SH3TC1: variants seen among roughly 807,000 people sequenced by gnomAD.
The protein encoded by SH3TC1 is SH3 domain and tetratricopeptide repeats 1.
A neutral mutation model predicts 117.3 loss-of-function variants in SH3TC1; 135 were observed. That is an observed-to-expected ratio of 1.15 (90% CI 1.00 to 1.33). SH3TC1 has a LOEUF of 1.33. SH3TC1 is among the 40% of genes most tolerant of loss of function. The probability of loss-of-function intolerance (pLI) is 0.00; values close to 1 mark genes in which losing one functional copy is unlikely to be tolerated. For missense variants in SH3TC1, 2,092 were observed against 1,794.3 expected (o/e 1.17, Z -3.00); for synonymous variants, 898 against 816.9 (o/e 1.10, Z -1.69).
upstream of SH3TC1, among the ~76,000 whole-genome samples, chr4:8,194,375 T>C (rs1717500197): frequency 6.6e-6 from 1 of 152,168 alleles, no homozygotes; most frequent in Non-Finnish European, 1.5e-5. Flanking sequence ...TCCCAGGCCA[T>C]CGTGGCCATG....
Position 8,240,703 on chromosome 4 carries a change from G to A in SH3TC1, c.3759G>A (p.Pro1253=), listed in dbSNP as rs777462981. The A allele has an allele frequency of 1.1e-5, 17 of 1,613,984 alleles. No homozygotes were observed. Among genetic ancestry groups the A allele is most frequent in the East Asian group, 6.7e-5 (3 of 44,882 alleles). ...GDIIFYDLKD[P]FDAAGYYQLA... Reference sequence around the variant, plus strand: ...GCATGGCCTGTCCCCTTCAGGACCCGTTTGATGCAGCCGGGTACTACCAGC... The same window carrying A: ...GCATGGCCTGTCCCCTTCAGGACCCATTTGATGCAGCCGGGTACTACCAGC... Residue 1253 remains proline (P), a synonymous_variant, in exon 18 of 18, where the codon CCG becomes CCA. Coordinates refer to ENST00000245105, the MANE Select transcript of SH3TC1 (RefSeq NM_018986.5).
chr4:8,189,626 C>T (rs934929017), intron 1 of SH3TC1, among the ~76,000 whole-genome samples: 3 of 152,056 alleles, frequency 2.0e-5, no homozygotes, highest in African/African-American at 2.4e-5. Flanking sequence ...AGGGGTCATG[C>T]GCCAAGTGCC....
Position 8,205,122 on chromosome 4 carries a change from T to C in SH3TC1, c.-28-45T>C. On this transcript the variant is annotated intron_variant, in intron 1 of 17. Transcript: ENST00000245105. This position sits in a 1 kb window ranked among gnomAD's most constrained non-coding sequence, Gnocchi z 5.4. ...GGCCTGGACACAACCTCCGTGCTGGTTCTGGAGGGGCCACCTCTCCTGACC... is the reference window on the plus strand; with the variant it reads ...GGCCTGGACACAACCTCCGTGCTGGCTCTGGAGGGGCCACCTCTCCTGACC... 7.1e-7 allele frequency: 1 copy of C among 1,416,310 alleles called. No homozygotes were observed. The highest frequency in any genetic ancestry group is 9.3e-7 in the Non-Finnish European group (1 of 1,072,602). 87.7% of individuals were successfully genotyped at this position (1,416,310 alleles called of 1,614,324 possible). A position where few individuals can be genotyped will look rare whatever the true frequency, so the allele number is the denominator to read the frequency against.
intron 1 of SH3TC1, among the ~76,000 whole-genome samples, chr4:8,188,857 A>G (rs887477944): frequency 2.6e-5 from 4 of 152,320 alleles, no homozygotes; most frequent in Non-Finnish European, 4.4e-5. Flanking sequence ...ACCCGTCACG[A>G]GGCAGCCACC....
At position 8,183,752 on chromosome 4, in the gene SH3TC1, A is replaced by T. The variant is rs772422709; in HGVS notation, c.-57+1542A>T. ...TACATTTGTCATAACTAATGAGCCA[A>T]TACCACCAATGCCTGATTACCAGCT... is the stretch of plus-strand genomic sequence containing the variant. On this transcript the variant is annotated intron_variant, in intron 1 of 16. Coordinates refer to the SH3TC1 transcript ENST00000508641. This position sits in a 1 kb window ranked among gnomAD's most constrained non-coding sequence, Gnocchi z 5.4. Among the ~76,000 whole-genome samples, 1 of 152,152 alleles carries T rather than the reference A, an allele frequency of 6.6e-6. No individual in the cohort carries two copies.
chr4:8,222,644 G>A (rs1217050691), intron 9 of SH3TC1, among the ~76,000 whole-genome samples, 196 bp from the exon 10 acceptor site: 1 of 150,358 alleles, frequency 6.7e-6, no homozygotes, highest in Non-Finnish European at 1.5e-5. Flanking sequence ...AAAGTGCTGA[G>A]ATTACAGGTG....
chr4:8,224,755 C>T (rs1720300919), intron 10 of SH3TC1: 1 of 180,414 alleles, frequency 5.5e-6, no homozygotes, highest in East Asian at 1.6e-4. Context: ...CTCAGAGCTG[C>T]TGCCTGTTCA....
intron 17 of SH3TC1, 61 bp from the exon 18 acceptor site, chr4:8,240,637 C>T (rs924648291): frequency 1.4e-5 from 22 of 1,598,562 alleles, no homozygotes; most frequent in African/African-American, 2.7e-5. Flanking sequence ...GGCACAGGAA[C>T]GGCCTCTGGG....
Position 8,192,843 on chromosome 4 carries a change from C to T in SH3TC1, c.-57+10633C>T, listed in dbSNP as rs1290036340. Among the ~76,000 whole-genome samples, 1 of 152,172 alleles carries T rather than the reference C, an allele frequency of 6.6e-6. No homozygotes were observed. The highest frequency in any genetic ancestry group is 2.4e-5 in the African/African-American group (1 of 41,440). ...TTCTGCTCCGAGTTTAGGTTCATGT[C>T]GCCACCTGGTGATTGGCTTCTCTGT... On this transcript the variant is annotated intron_variant, in intron 1 of 16. Transcript: ENST00000508641. This position sits in a 1 kb window ranked among gnomAD's most constrained non-coding sequence, Gnocchi z 4.1.
At chr4:8,200,601 G>A (rs899709270) in intron 1 of SH3TC1, among the ~76,000 whole-genome samples, 1 of 152,230 alleles carries the variant, frequency 6.6e-6, no homozygotes, top group African/African-American at 2.4e-5. Context: ...CACGGGTGAC[G>A]ATGGCCGCAC....
chr4:8,211,821 G>A (rs1718760358), intron 3 of SH3TC1, among the ~76,000 whole-genome samples: 1 of 152,068 alleles, frequency 6.6e-6, no homozygotes, highest in Non-Finnish European at 1.5e-5. Flanking sequence ...GCCCCTGAAT[G>A]GGACACAGCA....
At chr4:8,204,487 G>T (rs907286792) in intron 1 of SH3TC1, among the ~76,000 whole-genome samples, 2 of 152,214 alleles carry the variant, frequency 1.3e-5, no homozygotes, top group African/African-American at 4.8e-5. Flanking sequence ...TTCTGGAGGG[G>T]CAGGGTGGAC....
At chr4:8,232,185 CG>C (rs1560111338) in intron 13 of SH3TC1, 29 bp downstream of exon 13, 5 of 312,630 alleles carry the variant, frequency 1.6e-5, no homozygotes, top group African/African-American at 9.9e-5. Flanking sequence ...GTGGTGGGGG[CG>C]GGGGGAGGGG....
intron 3 of SH3TC1, among the ~76,000 whole-genome samples, chr4:8,211,292 C>CA: frequency 2.2e-5 from 1 of 45,158 alleles, no homozygotes; most frequent in South Asian, 1.3e-3. Flanking sequence ...TTCTCCCCCT[C>CA]CCGTTTTCTC....
rs781224195 is a variant in SH3TC1 at position 8,228,417 on chromosome 4, A to G, written c.2723A>G (p.Asn908Ser). Residue 908 changes from asparagine (N) to serine (S), a missense_variant, in exon 12 of 18, where the codon AAC (asparagine) becomes AGC (serine). By Grantham distance (46) the Asn-to-Ser change is conservative (BLOSUM62 1). Transcript: ENST00000245105. ...AGGAACCAGGCAGTGGGGCTGGCCA[A>G]CTTCGGGGCCCTGTGCCTGCATGCG... ...QQRNQAVGLA[N>S]FGALCLHAGA... 3 of 1,606,558 alleles carry G rather than the reference A, an allele frequency of 1.9e-6. No homozygotes were observed. In the African/African-American group the frequency reaches 4.0e-5, roughly 21 times the overall value.
At chr4:8,218,531 C>T (rs780081627) in intron 8 of SH3TC1, among the ~76,000 whole-genome samples, 184 bp downstream of exon 8, 7 of 152,168 alleles carry the variant, frequency 4.6e-5, no homozygotes, top group Non-Finnish European at 7.3e-5. Context: ...TTGTACCAAC[C>T]GAGTCTTCTC....
At chr4:8,240,479 C>T (rs1007436196) in intron 17 of SH3TC1, among the ~76,000 whole-genome samples, 2 of 152,168 alleles carry the variant, frequency 1.3e-5, no homozygotes, top group Non-Finnish European at 2.9e-5. Context: ...ACAGGAGGCT[C>T]GGGGTGAGTG....
chr4:8,215,181 G>A (rs1451829855), intron 5 of SH3TC1: 3 of 456,178 alleles, frequency 6.6e-6, no homozygotes, highest in South Asian at 1.5e-5. Flanking sequence ...GAACTTGAGG[G>A]AAGCTGCCGT....
intron 4 of SH3TC1, chr4:8,213,260 G>A (rs553874194): frequency 6.1e-6 from 1 of 165,132 alleles, no homozygotes; most frequent in Non-Finnish European, 1.3e-5. Flanking sequence ...TCTTGACCTG[G>A]CAGACCTCCC....
Sources: gnomAD v4.1 joint callset for allele counts (sites outside exome capture counted in the v4.1 genomes callset) on GRCh38, gnomAD v4.1.1 for gene constraint, Gnocchi (gnomAD v3.1) non-coding constraint, MANE v1.5 for transcripts, NCBI Gene and HGNC (gene_info 2026-07-23, HGNC 2026-07-21) for gene names.